Variants in PNPLA1 observed in about 807,000 individuals in gnomAD.
PNPLA1 encodes the protein patatin like domain 1, omega-hydroxyceramide transacylase, also known as omega-hydroxyceramide transacylase.
In PNPLA1, 36 loss-of-function variants were observed where a neutral mutation model predicts 51.7. The observed-to-expected ratio is 0.70, with a 90% CI of 0.53 to 0.92. PNPLA1 has a LOEUF of 0.92. Among genes scored for constraint, PNPLA1 ranks in the 40% least tolerant of loss-of-function variants. The probability of loss-of-function intolerance (pLI) is 0.00; values close to 1 mark genes in which losing one functional copy is unlikely to be tolerated. For synonymous variants in PNPLA1, 293 were observed against 280.1 expected (o/e 1.05, Z -0.46); for missense variants, 658 against 682.5 (o/e 0.96, Z 0.40).
intron 1 of PNPLA1, among the ~76,000 whole-genome samples, chr6:36,289,343 C>T (rs1770603574): frequency 6.6e-6 from 1 of 152,174 alleles, no homozygotes; most frequent in Non-Finnish European, 1.5e-5. Context: ...CCCATCCCAG[C>T]TGGTGTTATG....
intron 6 of PNPLA1, 142 bp downstream of exon 6, chr6:36,302,611 G>T: frequency 8.5e-7 from 1 of 1,172,598 alleles, no homozygotes; most frequent in Non-Finnish European, 1.2e-6. Context: ...TGTCCATTAT[G>T]AGGACAGTCC....
At chr6:36,257,424 G>A (rs1009955894) in intron 1 of PNPLA1, among the ~76,000 whole-genome samples, 2 of 152,182 alleles carry the variant, frequency 1.3e-5, no homozygotes, top group African/African-American at 4.8e-5. Context: ...TTCTTGCTCT[G>A]CCATAGATGG....
rs145503312 is a variant in PNPLA1 at position 36,300,161 on chromosome 6, T to TTGTGTGTGTGTG, written c.776-1693_776-1682dup. On this transcript the variant is annotated intron_variant, in intron 5 of 8. Transcript: ENST00000636260. ...ACAGTTTCTCAGACTTTTCTTATTC[T>TTGTGTGTGTGTG]TGTGTGTGTGTGTGTGTGAGAGAGA... 1.2e-3 allele frequency among the ~76,000 whole-genome samples: 128 copies of TTGTGTGTGTGTG among 103,018 alleles called. 3 individuals are homozygous for TTGTGTGTGTGTG. The East Asian group carries it at 0.024, about 20-fold the overall frequency. 67.6% of individuals were successfully genotyped at this position (103,018 alleles called of 152,430 possible). A position where few individuals can be genotyped will look rare whatever the true frequency, so the allele number is the denominator to read the frequency against.
At chr6:36,289,947 T>C (rs1770624965) in intron 1 of PNPLA1, among the ~76,000 whole-genome samples, 1 of 152,222 alleles carries the variant, frequency 6.6e-6, no homozygotes, top group South Asian at 2.1e-4. Flanking sequence ...TCTCAGGTGC[T>C]CTATTTATAA....
At chr6:36,302,786 C>T (rs1012154575) in intron 6 of PNPLA1, among the ~76,000 whole-genome samples, 19 of 152,116 alleles carry the variant, frequency 1.2e-4, no homozygotes, top group African/African-American at 4.6e-4. Context: ...TTTGGAGGTG[C>T]GGCCCAGCTG....
chr6:36,275,709 C>T (rs1770069770), intron 1 of PNPLA1, among the ~76,000 whole-genome samples: 1 of 152,172 alleles, frequency 6.6e-6, no homozygotes, highest in African/African-American at 2.4e-5. Flanking sequence ...CTTCTTCCTC[C>T]TTTTTTCTTC....
rs766188849 is a variant in PNPLA1 at position 36,293,086 on chromosome 6, C to T, written c.464C>T (p.Pro155Leu). 13 of 1,613,916 alleles carry T rather than the reference C, an allele frequency of 8.1e-6. No homozygotes were observed. Among genetic ancestry groups the T allele is most frequent in the South Asian group, 5.5e-5 (5 of 91,080 alleles). The change falls in exon 3 of 9, where the codon CCG becomes CTG. Residue 155 changes from proline (P) to leucine (L), a missense_variant. By Grantham distance (98) the Pro-to-Leu change is moderately conservative. Coordinates refer to ENST00000636260, the MANE Select transcript of PNPLA1 (RefSeq NM_001374623.1). ...IEALYCSCFV[P>L]VYCGLIPPTY... ...GCCCTATACTGCAGCTGCTTCGTCC[C>T]GGTGTACTGTGGCCTCATCCCCCCG...
At chr6:36,282,472 G>A (rs1770349300) in intron 1 of PNPLA1, among the ~76,000 whole-genome samples, 1 of 152,126 alleles carries the variant, frequency 6.6e-6, no homozygotes, top group Admixed American at 6.5e-5. Flanking sequence ...CAATCCCTTG[G>A]ACTTTTTAGT....
chr6:36,291,439 C>A lies in PNPLA1; in HGVS notation c.325C>A (p.Pro109Thr). Residue 109 changes from proline to threonine, a missense_variant, in exon 2 of 9, where the codon CCC becomes ACC. Coordinates refer to ENST00000636260, the MANE Select transcript of PNPLA1 (RefSeq NM_001374623.1). The part of the protein sequence containing the change: ...MMRQFLYRVL[P>T]EDSYKVTTGK... ...GAGGCAGTTTCTGTACCGGGTCCTG[C>A]CCGAGGACTCCTACAAGGTCACCAC... 1.2e-6 allele frequency: 2 copies of A among 1,614,102 alleles called. No individual in the cohort carries two copies. Among genetic ancestry groups the A allele is most frequent in the Non-Finnish European group, 1.7e-6 (2 of 1,180,014 alleles).
chr6:36,308,714 T>G (rs1037618666), intron 8 of PNPLA1: 2 of 152,118 alleles, frequency 1.3e-5, no homozygotes, highest in African/African-American at 4.8e-5. Context: ...TTTTACCGAG[T>G]CATCATATTT....
intron 6 of PNPLA1, among the ~76,000 whole-genome samples, chr6:36,303,675 CA>C (rs1008476252): frequency 1.3e-5 from 2 of 152,080 alleles, no homozygotes; most frequent in Admixed American, 1.3e-4. Context: ...CTACTAAATA[CA>C]AAAAAATCAG....
chr6:36,295,336 G>A lies in PNPLA1; in HGVS notation c.715-28G>A, dbSNP rs767528725. Reference sequence around the variant, plus strand: ...GGCTCCCTTCCTCCCCGCAGCCTTGGTAATTCTCCTGGTGCCTCCGCCCAC... The same window carrying A: ...GGCTCCCTTCCTCCCCGCAGCCTTGATAATTCTCCTGGTGCCTCCGCCCAC... On this transcript the variant is annotated intron_variant, in intron 4 of 8. Coordinates refer to ENST00000636260, the MANE Select transcript of PNPLA1 (RefSeq NM_001374623.1). 139 of 1,613,728 alleles carry A rather than the reference G, an allele frequency of 8.6e-5. 1 individual carries two copies. In the South Asian group the frequency reaches 1.4e-3, roughly 17 times the overall value.
In PNPLA1 at chr6:36,302,220, A is replaced by C; in HGVS notation, c.1135A>C (p.Lys379Gln). Residue 379 changes from lysine (K) to glutamine (Q), a missense_variant, in exon 6 of 9, where the codon AAG (lysine) becomes CAG (glutamine). Transcript: ENST00000636260. ...MPPVSFPAVH[K>Q]PPSSTPGSSL... Reference sequence around the variant, plus strand: ...ACCTGTATCATTCCCAGCTGTGCACAAGCCACCCAGCTCCACACCTGGTTC... The same window carrying C: ...ACCTGTATCATTCCCAGCTGTGCACCAGCCACCCAGCTCCACACCTGGTTC... The C allele has an allele frequency of 6.2e-7, 1 of 1,613,274 alleles. No homozygotes were observed. The highest frequency in any genetic ancestry group is 1.1e-5 in the South Asian group (1 of 91,022).
At chr6:36,299,908 T>C (rs1240743753) in intron 5 of PNPLA1, among the ~76,000 whole-genome samples, 1 of 152,180 alleles carries the variant, frequency 6.6e-6, no homozygotes, top group African/African-American at 2.4e-5. Flanking sequence ...ACAGGGTGTT[T>C]GTCTCACATC....
intron 1 of PNPLA1, among the ~76,000 whole-genome samples, chr6:36,285,922 T>A (rs1172756179): frequency 3.3e-5 from 5 of 152,026 alleles, no homozygotes; most frequent in Non-Finnish European, 7.4e-5. Context: ...GAAACTGGGG[T>A]GCACCCTCTT....
intron 1 of PNPLA1, among the ~76,000 whole-genome samples, chr6:36,271,689 A>G (rs867320217): frequency 1.7e-4 from 26 of 152,182 alleles, no homozygotes; most frequent in African/African-American, 6.3e-4. Flanking sequence ...GCTCCTGAAA[A>G]GGAGAATTCC....
chr6:36,302,404 GA>G lies in PNPLA1; in HGVS notation c.1321del (p.Ser441ValfsTer15). 6.3e-7 allele frequency: 1 copy of G among 1,582,930 alleles called. No homozygotes were observed. Among genetic ancestry groups the G allele is most frequent in the Non-Finnish European group, 8.6e-7 (1 of 1,163,016 alleles). ...STVGAPQTLPRSSLSAFPAQP... is the reference protein window; with the variant it reads ...STVGAPQTLPXSSLSAFPAQP... ...GTGGGGGCACCTCAAACACTGCCCC[GA>G]AGTTCTCTTTCAGCCTTCCCTGCTC... On this transcript the variant is annotated frameshift_variant, in exon 6 of 9. Coordinates refer to ENST00000636260, the MANE Select transcript of PNPLA1 (RefSeq NM_001374623.1). LOFTEE classifies it high-confidence loss of function.
intron 1 of PNPLA1, among the ~76,000 whole-genome samples, chr6:36,248,243 G>A (rs1769342684): frequency 6.6e-6 from 1 of 152,164 alleles, no homozygotes. Context: ...GTGGAGAACA[G>A]ATATAAGGAT....
At chr6:36,269,101 CTG>C (rs994994556), upstream of PNPLA1, among the ~76,000 whole-genome samples, 2 of 152,234 alleles carry the variant, frequency 1.3e-5, no homozygotes, top group Non-Finnish European at 2.9e-5. Context: ...CTTGCCCTCA[CTG>C]TGGAATTCCC....
Sources: allele counts gnomAD v4.1 joint callset (sites outside exome capture counted in the v4.1 genomes callset), GRCh38; gene constraint gnomAD v4.1.1; transcripts MANE v1.5; gene names NCBI Gene and HGNC (gene_info 2026-07-23, HGNC 2026-07-21).